Variants in CACNA1C observed in about 807,000 individuals in gnomAD.
CACNA1C encodes the protein voltage-dependent L-type calcium channel subunit alpha-1C.
Under a neutral mutation model 229.0 loss-of-function variants are expected in CACNA1C, and 30 were observed. The ratio of observed to expected loss-of-function variants is 0.13; its 90% confidence interval spans 0.10 to 0.18. The LOEUF is 0.18. CACNA1C is among the 10% of genes least tolerant of loss of function. CACNA1C has a pLI of 1.00. For synonymous variants in CACNA1C, 1,114 were observed against 1,132.5 expected, an observed-to-expected ratio of 0.98 and a Z score of 0.33; for missense variants, 1,658 against 2,845.0, an observed-to-expected ratio of 0.58 and a Z score of 9.49.
intron 1 of CACNA1C, among the ~76,000 whole-genome samples, chr12:2,057,329 GTGAA>G (rs956157794): frequency 1.1e-4 from 16 of 152,216 alleles, no homozygotes; most frequent in African/African-American, 3.9e-4. Flanking sequence ...AAATGTCTGC[GTGAA>G]TGAATGAATG....
Position 2,165,381 on chromosome 12 carries a change from TTC to T in CACNA1C, c.477+44955_477+44956del, listed in dbSNP as rs1418122962. Among the ~76,000 whole-genome samples, 5 of 152,372 alleles carry T rather than the reference TTC, an allele frequency of 3.3e-5. No homozygotes were observed. The East Asian group carries it at 7.7e-4, about 24-fold the overall frequency. ...GCAACAGACACACTGTGGTACTTGC[TTC>T]TCTTTTTCTAGCTGCTCTGGGTTTA... On this transcript the variant is annotated intron_variant, in intron 3 of 46. Transcript: ENST00000399655.
chr12:2,536,957 G>A (rs1005054669), intron 9 of CACNA1C, among the ~76,000 whole-genome samples: 2 of 152,238 alleles, frequency 1.3e-5, no homozygotes, highest in South Asian at 4.1e-4. Context: ...GAAGAGTGAG[G>A]TCACATAGCT....
At chr12:2,207,789 C>T (rs1402791857) in intron 3 of CACNA1C, among the ~76,000 whole-genome samples, 1 of 152,010 alleles carries the variant, frequency 6.6e-6, no homozygotes, top group Non-Finnish European at 1.5e-5. Flanking sequence ...CCACTGTATT[C>T]CAGCTTGGGT....
At chr12:2,201,334 C>G (rs1032425608) in intron 3 of CACNA1C, among the ~76,000 whole-genome samples, 3 of 152,208 alleles carry the variant, frequency 2.0e-5, no homozygotes, top group African/African-American at 7.2e-5. Context: ...GTTTGGTGTT[C>G]TTATGTGTTA....
chr12:2,667,701 G>A (rs1013563772), intron 37 of CACNA1C, among the ~76,000 whole-genome samples: 4 of 152,178 alleles, frequency 2.6e-5, no homozygotes, highest in Non-Finnish European at 4.4e-5. Flanking sequence ...GCCTCCGGAC[G>A]GGCCTGGGCA....
intron 3 of CACNA1C, among the ~76,000 whole-genome samples, chr12:2,343,179 A>G (rs1385415660): frequency 6.6e-6 from 1 of 152,058 alleles, no homozygotes; most frequent in Non-Finnish European, 1.5e-5. Context: ...GCAACTCCCA[A>G]CCTTCTTTCT....
At position 2,696,905 on chromosome 12, in the gene CACNA1C, C is replaced by T. The variant is rs2097846379; in HGVS notation, c.*5706C>T. ...GGCCAGGAGAAAAGAGAAGTCTCTCCTGTAGAGTCACAAGAGAAGCAAAAG... is the reference window on the plus strand; with the variant it reads ...GGCCAGGAGAAAAGAGAAGTCTCTCTTGTAGAGTCACAAGAGAAGCAAAAG... On this transcript the variant is annotated 3_prime_UTR_variant, in exon 47 of 47. Coordinates refer to ENST00000399655, the MANE Select transcript of CACNA1C (RefSeq NM_000719.7). 1 of 152,224 alleles carries T rather than the reference C, an allele frequency of 6.6e-6. No homozygotes were observed. Among genetic ancestry groups the T allele is most frequent in the Admixed American group, 6.5e-5 (1 of 15,282 alleles). 9.4% of individuals were successfully genotyped at this position (152,224 alleles called of 1,614,324 possible).
At chr12:2,281,014 AG>A (rs1198013048) in intron 3 of CACNA1C, among the ~76,000 whole-genome samples, 1 of 152,190 alleles carries the variant, frequency 6.6e-6, no homozygotes, top group African/African-American at 2.4e-5. Flanking sequence ...CACAACGTGC[AG>A]GTTAGTTACA....
intron 1 of CACNA1C, among the ~76,000 whole-genome samples, chr12:2,057,329 GTGAATGAA>G (rs956157794): frequency 9.9e-5 from 15 of 152,216 alleles, no homozygotes; most frequent in Non-Finnish European, 2.2e-4. Flanking sequence ...AAATGTCTGC[GTGAATGAA>G]TGAATGCGAC....
intron 3 of CACNA1C, among the ~76,000 whole-genome samples, chr12:2,317,685 C>T (rs899366598): frequency 2.0e-5 from 3 of 152,084 alleles, no homozygotes; most frequent in Non-Finnish European, 4.4e-5. Flanking sequence ...AATTTAAAAA[C>T]ACAAAAGGAA....
intron 1 of CACNA1C, among the ~76,000 whole-genome samples, chr12:1,978,857 T>C (rs2035227869): frequency 6.6e-6 from 1 of 152,382 alleles, no homozygotes; most frequent in Non-Finnish European, 1.5e-5. Context: ...TGTTGTTGAA[T>C]ATATCAGTAG....
chr12:2,437,840 ATGG>A (rs1567676714), intron 3 of CACNA1C, among the ~76,000 whole-genome samples: 4 of 87,800 alleles, frequency 4.6e-5, no homozygotes, highest in South Asian at 4.7e-4. Flanking sequence ...GGTGGTAATG[ATGG>A]TGGTGATGAT....
chr12:2,142,866 A>G (rs1232819100), intron 3 of CACNA1C, among the ~76,000 whole-genome samples: 1 of 151,476 alleles, frequency 6.6e-6, no homozygotes, highest in Non-Finnish European at 1.5e-5. Context: ...TTTTAAGCTA[A>G]GTGTTATTAC....
At chr12:2,303,710 CATAGCTGA>C (rs2094769729) in intron 3 of CACNA1C, among the ~76,000 whole-genome samples, 1 of 152,202 alleles carries the variant, frequency 6.6e-6, no homozygotes, top group African/African-American at 2.4e-5. Context: ...ACATTCAGCC[CATAGCTGA>C]ATGTCCATGC....
At chr12:2,284,052 C>T (rs546390425) in intron 3 of CACNA1C, among the ~76,000 whole-genome samples, 3 of 152,240 alleles carry the variant, frequency 2.0e-5, no homozygotes, top group South Asian at 2.1e-4. Flanking sequence ...CAGCCAAGCA[C>T]GTCTTTCAAC....
intron 29 of CACNA1C, among the ~76,000 whole-genome samples, chr12:2,626,053 C>A (rs1385494345): frequency 6.6e-6 from 1 of 152,232 alleles, no homozygotes; most frequent in Non-Finnish European, 1.5e-5. Flanking sequence ...AGTTAGGTAA[C>A]CTGCCTGCAC....
intron 1 of CACNA1C, among the ~76,000 whole-genome samples, chr12:2,113,320 G>T (rs2082503077): frequency 1.3e-5 from 2 of 152,196 alleles, no homozygotes; most frequent in South Asian, 4.1e-4. Context: ...GGAGGTGGGG[G>T]TGATAGGTTC....
intron 10 of CACNA1C, among the ~76,000 whole-genome samples, chr12:2,550,346 C>T (rs559173301): frequency 2.1e-4 from 32 of 152,104 alleles, no homozygotes; most frequent in Non-Finnish European, 3.7e-4. Flanking sequence ...GTGTAGGGGG[C>T]GGCCCCAAAG....
At chr12:2,258,685 C>A (rs2078910606) in intron 3 of CACNA1C, among the ~76,000 whole-genome samples, 1 of 152,206 alleles carries the variant, frequency 6.6e-6, no homozygotes, top group Non-Finnish European at 1.5e-5. Flanking sequence ...CTGTCCCTTT[C>A]ATCATCACTT....
Sources: gnomAD v4.1 joint callset for allele counts (sites outside exome capture counted in the v4.1 genomes callset) on GRCh38, gnomAD v4.1.1 for gene constraint, MANE v1.5 for transcripts, NCBI Gene and HGNC (gene_info 2026-07-23, HGNC 2026-07-21) for gene names.